The following LIN7A variants were observed in gnomAD, a reference collection of about 807,000 sequenced individuals.
LIN7A encodes lin-7 cell polarity scaffold A.
LIN7A carries 25 observed loss-of-function variants against 29.8 expected under a neutral mutation model. The observed-to-expected ratio is 0.84, with a 90% CI of 0.61 to 1.17. The LOEUF is 1.17. Among genes scored for constraint, LIN7A ranks in the 50% most tolerant of loss-of-function variants. LIN7A has a pLI of 0.00. For missense variants in LIN7A, 239 were observed against 287.0 expected, an observed-to-expected ratio of 0.83 and a Z score of 1.21; for synonymous variants, 118 against 107.5, an observed-to-expected ratio of 1.10 and a Z score of -0.60.
chr12:80,937,505 A>T, intron 1 of LIN7A, 136 bp downstream of exon 1: 1 of 509,430 alleles, frequency 2.0e-6, no homozygotes, highest in Non-Finnish European at 3.3e-6. Context: ...TCTCGGCGCG[A>T]ACGCCTTCCT....
chr12:80,880,921 A>T (rs925275867), intron 2 of LIN7A, among the ~76,000 whole-genome samples: 10 of 152,204 alleles, frequency 6.6e-5, no homozygotes, highest in Non-Finnish European at 1.2e-4. Context: ...TGGCTTTGAA[A>T]TATTGGCAAA....
At chr12:80,921,185 G>T (rs1047521331) in intron 1 of LIN7A, among the ~76,000 whole-genome samples, 1 of 152,094 alleles carries the variant, frequency 6.6e-6, no homozygotes, top group Non-Finnish European at 1.5e-5. Flanking sequence ...CAGCAAGAAG[G>T]TGTCCTCTAA....
chr12:80,908,163 G>A (rs1022067057), intron 1 of LIN7A, among the ~76,000 whole-genome samples: 1 of 152,014 alleles, frequency 6.6e-6, no homozygotes, highest in African/African-American at 2.4e-5. Context: ...AAATTTTCCA[G>A]ACTTGCTTTT....
At chr12:80,917,471 T>C (rs1436939732) in intron 1 of LIN7A, among the ~76,000 whole-genome samples, 1 of 152,196 alleles carries the variant, frequency 6.6e-6, no homozygotes. Context: ...GGCTATAGCA[T>C]CAGTTTAAAT....
intron 2 of LIN7A, among the ~76,000 whole-genome samples, chr12:80,884,442 G>A (rs756942634): frequency 1.6e-4 from 24 of 151,962 alleles, no homozygotes; most frequent in African/African-American, 2.4e-4. Flanking sequence ...TTATTTTCTC[G>A]TTCTTAAACC....
At chr12:80,830,139 C>T (rs914718490) in intron 4 of LIN7A, among the ~76,000 whole-genome samples, 2 of 152,180 alleles carry the variant, frequency 1.3e-5, no homozygotes, top group South Asian at 4.1e-4. Flanking sequence ...TGTGATGTCT[C>T]TTTCACCTTC....
At chr12:80,928,376 GA>G (rs1352989597) in intron 1 of LIN7A, among the ~76,000 whole-genome samples, 2 of 151,946 alleles carry the variant, frequency 1.3e-5, no homozygotes, top group Non-Finnish European at 2.9e-5. Context: ...TCTGTTTCCT[GA>G]CTTTTTAATG....
At chr12:80,807,260 C>T (rs958507302) in intron 5 of LIN7A, among the ~76,000 whole-genome samples, 4 of 151,630 alleles carry the variant, frequency 2.6e-5, no homozygotes, top group African/African-American at 7.3e-5. Context: ...TTAGTAGAGA[C>T]GGGGTTTCAC....
At chr12:80,937,546 C>G in intron 1 of LIN7A, 95 bp downstream of exon 1, 2 of 893,356 alleles carry the variant, frequency 2.2e-6, no homozygotes, top group Non-Finnish European at 3.2e-6. Context: ...CTCCTCCTGC[C>G]TGAGCGCGTC....
intron 4 of LIN7A, among the ~76,000 whole-genome samples, chr12:80,837,569 G>T (rs2121532223): frequency 6.6e-6 from 1 of 152,274 alleles, no homozygotes; most frequent in East Asian, 1.9e-4. Flanking sequence ...GCACAGCCCT[G>T]TTGATGCCTT....
intron 1 of LIN7A, chr12:80,936,616 G>A (rs1878233780): frequency 6.6e-6 from 1 of 152,360 alleles, no homozygotes; most frequent in South Asian, 2.1e-4. Flanking sequence ...TAGGACTCGA[G>A]CGCCTTCATC....
intron 2 of LIN7A, among the ~76,000 whole-genome samples, chr12:80,887,912 C>T (rs759193790): frequency 1.3e-5 from 2 of 151,982 alleles, no homozygotes; most frequent in African/African-American, 4.8e-5. Flanking sequence ...CATCAAATTT[C>T]GGGGGAATGG....
chr12:80,924,065 G>A (rs1354549771), intron 1 of LIN7A, among the ~76,000 whole-genome samples: 1 of 152,118 alleles, frequency 6.6e-6, no homozygotes, highest in Non-Finnish European at 1.5e-5. Context: ...CTCAAAATAT[G>A]TTATTCTAAA....
rs561011053 is a variant in LIN7A, at chr12:80,887,952, C to G, written c.201+1299G>C. ...CTGTGAAGGAAGAAAACAGAGTATG[C>G]GAAATTTGGCCTTGGTCTACAGAGT... is the stretch of plus-strand genomic sequence containing the variant. On this transcript the variant is annotated intron_variant, in intron 2 of 5. Coordinates refer to ENST00000552864, the MANE Select transcript of LIN7A (RefSeq NM_004664.4). Among the ~76,000 whole-genome samples, 8 of 152,104 alleles carry G rather than the reference C, an allele frequency of 5.3e-5. 1 individual carries two copies. The highest frequency in any genetic ancestry group is 1.9e-4 in the African/African-American group (8 of 41,512).
At chr12:80,818,473 G>T (rs1260107323) in intron 4 of LIN7A, among the ~76,000 whole-genome samples, 4 of 152,142 alleles carry the variant, frequency 2.6e-5, no homozygotes, top group Admixed American at 2.6e-4. Context: ...CTAGTAAGTC[G>T]AACAGATCAA....
chr12:80,854,359 G>A (rs181554591), intron 2 of LIN7A, among the ~76,000 whole-genome samples: 157 of 152,044 alleles, frequency 1.0e-3, no homozygotes, highest in African/African-American at 3.5e-3. Context: ...AGGATCACTT[G>A]AGCGCAGGTA....
At chr12:80,926,978 A>T in intron 1 of LIN7A, among the ~76,000 whole-genome samples, 1 of 150,240 alleles carries the variant, frequency 6.7e-6, no homozygotes, top group South Asian at 2.1e-4. Flanking sequence ...TTTCATGCCT[A>T]GTGTTTGTCA....
chr12:80,843,462 C>T (rs936822705), intron 4 of LIN7A, among the ~76,000 whole-genome samples: 1 of 152,082 alleles, frequency 6.6e-6, no homozygotes, highest in African/African-American at 2.4e-5. Flanking sequence ...GGTTGTGAGT[C>T]GAACACTGCC....
chr12:80,933,287 T>G (rs943317787), intron 1 of LIN7A, among the ~76,000 whole-genome samples: 12 of 152,184 alleles, frequency 7.9e-5, no homozygotes, highest in African/African-American at 2.4e-4. Flanking sequence ...AATTAATGCG[T>G]TATTATTTCT....
Sources: allele counts gnomAD v4.1 joint callset (sites outside exome capture counted in the v4.1 genomes callset), GRCh38; gene constraint gnomAD v4.1.1; transcripts MANE v1.5; gene names NCBI Gene and HGNC (gene_info 2026-07-23, HGNC 2026-07-21).